Variants in MAGI3 observed in about 807,000 individuals in gnomAD.
MAGI3 encodes membrane associated guanylate kinase, WW and PDZ domain containing 3, also known as membrane-associated guanylate kinase, WW and PDZ domain-containing protein 3.
In MAGI3, 43 loss-of-function variants were observed where a neutral mutation model predicts 121.8. That is an observed-to-expected ratio of 0.35 (90% CI 0.28 to 0.46). The LOEUF is 0.46. Ranked by LOEUF, MAGI3 falls within the 20% of genes least tolerant of loss-of-function variation. The pLI, the probability that MAGI3 is intolerant of heterozygous loss-of-function variation, is 1.00. For missense variants in MAGI3, 1,547 were observed against 1,797.3 expected, an observed-to-expected ratio of 0.86 and a Z score of 2.52; for synonymous variants, 553 against 639.3, an observed-to-expected ratio of 0.86 and a Z score of 2.04.
At chr1:113,677,451 C>T (rs1449865656) in intron 19 of MAGI3, among the ~76,000 whole-genome samples, 1 of 152,182 alleles carries the variant, frequency 6.6e-6, no homozygotes, top group Non-Finnish European at 1.5e-5. Context: ...CCAGGTATGA[C>T]CCTAGTCCGT....
chr1:113,434,582 C>T (rs1046548099), intron 1 of MAGI3, among the ~76,000 whole-genome samples: 3 of 152,192 alleles, frequency 2.0e-5, no homozygotes, highest in African/African-American at 7.2e-5. Flanking sequence ...CAGCTGCTCT[C>T]TTTATTGAGA....
intron 1 of MAGI3, among the ~76,000 whole-genome samples, chr1:113,467,796 A>G (rs1164932664): frequency 6.6e-6 from 1 of 152,134 alleles, no homozygotes; most frequent in Admixed American, 6.6e-5. Context: ...TGGCCTCCCA[A>G]CATGCTGAGA....
intron 2 of MAGI3, among the ~76,000 whole-genome samples, chr1:113,553,730 T>C (rs1232284078): frequency 6.6e-6 from 1 of 152,100 alleles, no homozygotes; most frequent in Non-Finnish European, 1.5e-5. Flanking sequence ...AAAGATAGTG[T>C]CTGGGCTCAG....
chr1:113,619,594 T>C, intron 7 of MAGI3, 142 bp from the exon 8 acceptor site: 1 of 529,814 alleles, frequency 1.9e-6, no homozygotes, highest in Non-Finnish European at 3.4e-6. Context: ...TCTGCTATCA[T>C]CTATCAGTCT....
chr1:113,586,386 T>C (rs959078792), intron 4 of MAGI3, among the ~76,000 whole-genome samples: 1 of 152,170 alleles, frequency 6.6e-6, no homozygotes, highest in African/African-American at 2.4e-5. Flanking sequence ...CAGAACACAT[T>C]TCCTTATCAT....
chr1:113,416,186 TA>T (rs149992508), intron 1 of MAGI3, among the ~76,000 whole-genome samples: 2,940 of 36,550 alleles, frequency 0.08, 330 homozygotes, highest in South Asian at 0.097. Flanking sequence ...TGACACATAT[TA>T]ATTATGTAAT....
chr1:113,605,781 G>C (rs1649727398), intron 6 of MAGI3, among the ~76,000 whole-genome samples: 1 of 151,976 alleles, frequency 6.6e-6, no homozygotes, highest in Non-Finnish European at 1.5e-5. Context: ...TGTATTTCTA[G>C]TAGAGACGGG....
At chr1:113,509,922 G>T (rs896029626) in intron 1 of MAGI3, among the ~76,000 whole-genome samples, 1 of 151,310 alleles carries the variant, frequency 6.6e-6, no homozygotes, top group African/African-American at 2.4e-5. Context: ...TGCGCCTGCA[G>T]CACGTTGCCT....
intron 2 of MAGI3, among the ~76,000 whole-genome samples, chr1:113,550,718 T>G (rs183352775): frequency 0.022 from 3,327 of 148,326 alleles, 49 homozygotes; most frequent in Non-Finnish European, 0.035. Context: ...ATCATGCCGT[T>G]GCACTCCAGC....
chr1:113,437,753 CTTCA>C (rs1653643563), intron 1 of MAGI3, among the ~76,000 whole-genome samples: 1 of 150,732 alleles, frequency 6.6e-6, no homozygotes, highest in African/African-American at 2.5e-5. Context: ...TCTTCTTCTT[CTTCA>C]TTTTTCTTTC....
chr1:113,642,562 T>C, intron 10 of MAGI3, 46 bp downstream of exon 10: 1 of 1,551,622 alleles, frequency 6.4e-7, no homozygotes, highest in Non-Finnish European at 8.7e-7. Flanking sequence ...TTCAAGCGTT[T>C]ATATCTACTG....
intron 2 of MAGI3, among the ~76,000 whole-genome samples, chr1:113,576,243 C>T (rs1024655627): frequency 6.6e-6 from 1 of 152,212 alleles, no homozygotes; most frequent in African/African-American, 2.4e-5. Context: ...CTGCAGCTAG[C>T]TCAATGTCTG....
At chr1:113,394,336 G>A (rs777341698) in intron 1 of MAGI3, among the ~76,000 whole-genome samples, 1 of 152,136 alleles carries the variant, frequency 6.6e-6, no homozygotes, top group Admixed American at 6.5e-5. Context: ...GCTTATAGAA[G>A]AATCTTTGGT....
chr1:113,510,097 G>A (rs1226664197), intron 1 of MAGI3, among the ~76,000 whole-genome samples: 2 of 152,216 alleles, frequency 1.3e-5, no homozygotes, highest in Non-Finnish European at 2.9e-5. Context: ...GATTGTCAAT[G>A]TAGTGTTTTC....
intron 1 of MAGI3, among the ~76,000 whole-genome samples, chr1:113,492,411 C>T (rs979204419): frequency 1.3e-5 from 2 of 152,194 alleles, no homozygotes; most frequent in Non-Finnish European, 2.9e-5. Flanking sequence ...TAGTGAACAT[C>T]ATACTGAATG....
chr1:113,616,664 G>A (rs564678052), intron 7 of MAGI3, among the ~76,000 whole-genome samples: 1 of 152,114 alleles, frequency 6.6e-6, no homozygotes, highest in East Asian at 1.9e-4. Context: ...ATATAAATAT[G>A]CATAAGCTAT....
At chr1:113,489,166 T>C (rs1656549969) in intron 1 of MAGI3, among the ~76,000 whole-genome samples, 2 of 147,352 alleles carry the variant, frequency 1.4e-5, no homozygotes, top group African/African-American at 4.9e-5. Flanking sequence ...GGGAACACCT[T>C]AGGCCCCCCC....
At chr1:113,414,085 G>A (rs1399940870) in intron 1 of MAGI3, among the ~76,000 whole-genome samples, 2 of 152,156 alleles carry the variant, frequency 1.3e-5, no homozygotes, top group African/African-American at 4.8e-5. Flanking sequence ...TATTTAGCAT[G>A]AAGGGCTGTT....
intron 3 of MAGI3, among the ~76,000 whole-genome samples, chr1:113,582,229 A>G (rs1382196370): frequency 2.6e-5 from 4 of 152,114 alleles, no homozygotes; most frequent in Non-Finnish European, 4.4e-5. Context: ...TCGTGGCAGT[A>G]GCTGGTAAAT....
Sources: gnomAD v4.1 joint callset for allele counts (sites outside exome capture counted in the v4.1 genomes callset) on GRCh38, gnomAD v4.1.1 for gene constraint, MANE v1.5 for transcripts, NCBI Gene and HGNC (gene_info 2026-07-23, HGNC 2026-07-21) for gene names.